ODR4: variants seen among roughly 807,000 people sequenced by gnomAD.
The protein encoded by ODR4 is odr-4 GPCR localization factor homolog, also known as protein odr-4 homolog.
Under a neutral mutation model 60.2 loss-of-function variants are expected in ODR4, and 47 were observed. The observed-to-expected ratio is 0.78, with a 90% CI of 0.62 to 1.00. The LOEUF is 1.00. Ranked by LOEUF, ODR4 falls within the 50% of genes least tolerant of loss-of-function variation. The probability of loss-of-function intolerance (pLI) is 0.00; values close to 1 mark genes in which losing one functional copy is unlikely to be tolerated. For missense variants in ODR4, 488 were observed against 530.8 expected (o/e 0.92, Z 0.79); for synonymous variants, 178 against 175.5 (o/e 1.01, Z -0.11).
chr1:186,423,902 A>T (rs1476841647), downstream of ODR4, among the ~76,000 whole-genome samples: 1 of 152,198 alleles, frequency 6.6e-6, no homozygotes, highest in African/African-American at 2.4e-5. Flanking sequence ...TTTACATTCA[A>T]TAGATTGAAA....
At chr1:186,400,551 A>C (rs1464917325) in intron 11 of ODR4, 1 of 155,894 alleles carries the variant, frequency 6.4e-6, no homozygotes, top group African/African-American at 2.4e-5. Context: ...AAGTGCTGGG[A>C]TTATAGGCAT....
At chr1:186,417,932 G>A (rs976262070) in intron 13 of ODR4, among the ~76,000 whole-genome samples, 3 of 152,152 alleles carry the variant, frequency 2.0e-5, no homozygotes, top group African/African-American at 7.2e-5. Flanking sequence ...ATATAGTAGG[G>A]CTAATGTTTT....
intron 12 of ODR4, among the ~76,000 whole-genome samples, chr1:186,410,649 GA>G (rs1225727376): frequency 1.3e-5 from 2 of 152,102 alleles, no homozygotes; most frequent in Admixed American, 6.5e-5. Context: ...AATTTAATCA[GA>G]AAAAAGTCTC....
chr1:186,389,841 G>T (rs775861352), intron 6 of ODR4, among the ~76,000 whole-genome samples: 1 of 152,228 alleles, frequency 6.6e-6, no homozygotes, highest in African/African-American at 2.4e-5. Flanking sequence ...AAGCTAGAGT[G>T]CAGTGATGCA....
intron 4 of ODR4, 49 bp from the exon 5 acceptor site, chr1:186,388,393 T>C (rs773854926): frequency 3.1e-4 from 323 of 1,057,384 alleles, no homozygotes; most frequent in South Asian, 5.9e-4. Context: ...AACACTCATC[T>C]TTTTTTTTCA....
chr1:186,417,416 T>C (rs1371339848), intron 12 of ODR4, 128 bp from the exon 13 acceptor site: 1 of 652,752 alleles, frequency 1.5e-6, no homozygotes, highest in Non-Finnish European at 2.7e-6. Flanking sequence ...AAATTCAGTA[T>C]GTTATATAAA....
chr1:186,426,974 T>C, the ODR4 span, among the ~76,000 whole-genome samples: 2 of 151,936 alleles, frequency 1.3e-5, no homozygotes, highest in African/African-American at 2.4e-5. Context: ...ACTTTGCTGC[T>C]AAAAATAAAA....
intron 7 of ODR4, 122 bp downstream of exon 7, chr1:186,390,973 TGTGA>T: frequency 1.9e-6 from 2 of 1,059,196 alleles, no homozygotes; most frequent in Non-Finnish European, 2.7e-6. Context: ...AATGTTGTTA[TGTGA>T]GTAACTTATT....
Position 186,421,248 on chromosome 1 carries a change from T to A in ODR4, c.*2172T>A, listed in dbSNP as rs1191999595. 2.6e-5 allele frequency: 4 copies of A among 152,128 alleles called. No individual in the cohort carries two copies. Among genetic ancestry groups the A allele is most frequent in the Non-Finnish European group, 5.9e-5 (4 of 68,044 alleles). The allele number at this position is 152,128 out of a possible 1,614,324, so 9.4% of individuals were successfully genotyped here. On this transcript the variant is annotated 3_prime_UTR_variant, in exon 14 of 14. Coordinates refer to ENST00000287859, the MANE Select transcript of ODR4 (RefSeq NM_017847.6). ...AAAGGATTATCTGAAATTGAAAAAC[T>A]AGTAAGCAAATAAATGATAAACATA...
At chr1:186,377,636 T>C (rs1370653903) in intron 1 of ODR4, among the ~76,000 whole-genome samples, 1 of 152,238 alleles carries the variant, frequency 6.6e-6, no homozygotes, top group Non-Finnish European at 1.5e-5. Flanking sequence ...AAGGCATTAC[T>C]AAAAGGTAAA....
chr1:186,385,500 A>AG (rs1660219999), intron 3 of ODR4, among the ~76,000 whole-genome samples: 1 of 151,706 alleles, frequency 6.6e-6, no homozygotes, highest in Non-Finnish European at 1.5e-5. Flanking sequence ...GCTGCCTTTG[A>AG]AGTATCCAGT....
intron 12 of ODR4, 29 bp downstream of exon 12, chr1:186,406,297 G>C (rs1461451159): frequency 1.3e-6 from 2 of 1,482,092 alleles, no homozygotes; most frequent in Non-Finnish European, 1.8e-6. Context: ...TTAAGAACCT[G>C]GTTAGATTAC....
In ODR4 at chr1:186,390,786, C is replaced by G. The variant is rs761129676; in HGVS notation, c.550C>G (p.His184Asp). Residue 184 changes from histidine (H) to aspartate (D), a missense_variant, in exon 7 of 14, where the codon CAC (histidine) becomes GAC (aspartate). His to Asp is a moderately conservative substitution (Grantham distance 81). Coordinates refer to ENST00000287859, the MANE Select transcript of ODR4 (RefSeq NM_017847.6). ...ATGGCTTTCTTTAGAGTGTACAGTT[C>G]ACATTAATATTCACATCCCACTTTC... ...SSWLSLECTV[H>D]INIHIPLSAT... 2 of 1,612,616 alleles carry G rather than the reference C, an allele frequency of 1.2e-6. No homozygotes were observed. Among genetic ancestry groups the G allele is most frequent in the East Asian group, 4.5e-5 (2 of 44,782 alleles).
At chr1:186,410,356 A>G (rs986782550) in intron 12 of ODR4, among the ~76,000 whole-genome samples, 2 of 152,230 alleles carry the variant, frequency 1.3e-5, no homozygotes, top group Admixed American at 6.5e-5. Flanking sequence ...TATGTCTTTT[A>G]TATGAAAATA....
chr1:186,399,528 C>T (rs577241168), intron 11 of ODR4, among the ~76,000 whole-genome samples: 1,057 of 100,602 alleles, frequency 0.011, 18 homozygotes, highest in African/African-American at 0.034. Context: ...CGTTTTAGAA[C>T]ACTATCAAAT....
chr1:186,422,695 A>C (rs1661814407), downstream of ODR4, among the ~76,000 whole-genome samples: 1 of 152,192 alleles, frequency 6.6e-6, no homozygotes. Flanking sequence ...GTTACAAGTA[A>C]TATATATTTT....
chr1:186,392,707 A>G (rs1168186528), intron 8 of ODR4, among the ~76,000 whole-genome samples: 1 of 151,486 alleles, frequency 6.6e-6, no homozygotes, highest in Non-Finnish European at 1.5e-5. Flanking sequence ...AATTGCAGCT[A>G]CTTGGGAGGC....
At chr1:186,411,009 C>CT (rs1450503031) in intron 12 of ODR4, among the ~76,000 whole-genome samples, 1 of 149,342 alleles carries the variant, frequency 6.7e-6, no homozygotes, top group Non-Finnish European at 1.5e-5. Context: ...GAGCAAAACT[C>CT]TGTCTCAAAA....
At position 186,386,006 on chromosome 1, in the gene ODR4, G is replaced by C; in HGVS notation, c.253G>C (p.Gly85Arg). Residue 85 changes from glycine to arginine, a missense_variant, in exon 4 of 14, where the codon GGG becomes CGG. By Grantham distance (125) the Gly-to-Arg change is moderately radical (BLOSUM62 -2). Transcript: ENST00000287859. ...HACQVSRMLP[G>R]GLLVLGVFII... The stretch of plus-strand genomic sequence containing the variant: ...TTTTTAGGTATCCAGAATGCTACCA[G>C]GGGGACTTTTAGTTCTTGGAGTATT... The C allele has an allele frequency of 6.3e-7, 1 of 1,598,708 alleles. No homozygotes were observed. Among genetic ancestry groups the C allele is most frequent in the Non-Finnish European group, 8.6e-7 (1 of 1,169,588 alleles).
Sources: allele counts gnomAD v4.1 joint callset (sites outside exome capture counted in the v4.1 genomes callset), GRCh38; gene constraint gnomAD v4.1.1; transcripts MANE v1.5; gene names NCBI Gene and HGNC (gene_info 2026-07-23, HGNC 2026-07-21).